The following PPP2R3C variants were observed in gnomAD, a reference collection of about 807,000 sequenced individuals.
PPP2R3C encodes the protein serine/threonine-protein phosphatase 2A regulatory subunit B'' subunit gamma.
A neutral mutation model predicts 63.7 loss-of-function variants in PPP2R3C; 47 were observed. The observed-to-expected ratio is 0.74, with a 90% CI of 0.58 to 0.94. The LOEUF (loss-of-function observed/expected upper bound fraction) is 0.94, where lower values mean the gene tolerates loss of function less well. Ranked by LOEUF, PPP2R3C falls within the 40% of genes least tolerant of loss-of-function variation. The probability of loss-of-function intolerance (pLI) is 0.00; values close to 1 mark genes in which losing one functional copy is unlikely to be tolerated. For synonymous variants in PPP2R3C, 180 were observed against 177.4 expected (o/e 1.01, Z -0.12); for missense variants, 421 against 518.4 (o/e 0.81, Z 1.82).
In PPP2R3C at chr14:35,091,226, T is replaced by A. The variant is rs747366019; in HGVS notation, c.976-19A>T. ...TATAGTCCTACAGAACAGAAAATAA[T>A]GTTCATTAGAGGCCTTAGTTGAAAT... On this transcript the variant is annotated intron_variant, in intron 10 of 12. Transcript: ENST00000261475. 15 of 1,583,272 alleles carry A rather than the reference T, an allele frequency of 9.5e-6. No homozygotes were observed. The highest frequency in any genetic ancestry group is 2.3e-4 in the Middle Eastern group (1 of 4,366).
chr14:35,102,030 T>C (rs946932549), intron 6 of PPP2R3C: 4 of 49,860 alleles, frequency 8.0e-5, no homozygotes, highest in Non-Finnish European at 1.7e-4. Context: ...TCTCTCTCTC[T>C]TTTTTTTTTT....
intron 4 of PPP2R3C, among the ~76,000 whole-genome samples, chr14:35,108,526 AC>A (rs1417406421): frequency 1.3e-5 from 2 of 151,976 alleles, no homozygotes; most frequent in Non-Finnish European, 1.5e-5. Flanking sequence ...ACATGGTGAA[AC>A]CCCGTCTCTA....
chr14:35,096,297 T>C (rs974027515), intron 9 of PPP2R3C, among the ~76,000 whole-genome samples: 4 of 152,194 alleles, frequency 2.6e-5, no homozygotes, highest in African/African-American at 7.2e-5. Flanking sequence ...AAGGCTGCAC[T>C]GAGCCGTGAT....
rs1285477612 is a variant in PPP2R3C at position 35,110,600 on chromosome 14, C to A, written c.216G>T (p.Gln72His). 2 of 1,611,512 alleles carry A rather than the reference C, an allele frequency of 1.2e-6. No homozygotes were observed. The highest frequency in any genetic ancestry group is 1.7e-5 in the Admixed American group (1 of 59,856). The change falls in exon 3 of 13, where the codon CAG becomes CAT. Residue 72 changes from glutamine to histidine, a missense_variant. Physicochemically the swap from Gln to His is conservative, Grantham distance 24. Around this residue, in one of 3 missense-constraint regions of PPP2R3C, gnomAD observed 143 missense variants for 151.2 expected, o/e 0.95. Transcript: ENST00000261475. ...RLPAEDEVLL[Q>H]KLREESRAVF... ...CAGCTCTTGATTCCTCTCTTAATTT[C>A]TGTAGTAAGACTTCATCTTCAGCAG...
intron 1 of PPP2R3C, among the ~76,000 whole-genome samples, chr14:35,120,466 CG>C (rs2046837019): frequency 6.6e-6 from 1 of 151,392 alleles, no homozygotes; most frequent in Non-Finnish European, 1.5e-5. Flanking sequence ...AGGATGGTCT[CG>C]ATCTGCTGAC....
At chr14:35,121,452 G>C (rs1424034616) in intron 1 of PPP2R3C, among the ~76,000 whole-genome samples, 2 of 152,168 alleles carry the variant, frequency 1.3e-5, no homozygotes, top group African/African-American at 4.8e-5. Flanking sequence ...CCTTAGTGCG[G>C]GTGTGGAATA....
In PPP2R3C at chr14:35,099,295, T is replaced by C. The variant is rs539390840; in HGVS notation, c.663A>G (p.Thr221=). Reference sequence around the variant, plus strand: ...AAAAGAAGAAGAACTTCCTAACTGCTGTACAAACATAAAAGGAGTAGAAAG... The same window carrying C: ...AAAAGAAGAAGAACTTCCTAACTGCCGTACAAACATAAAAGGAGTAGAAAG... The part of the protein sequence containing the change: ...EKSFYSFYVC[T]AVRKFFFFLD... Residue 221 remains threonine (T), a synonymous_variant, in exon 7 of 13, where the codon ACA becomes ACG. Transcript: ENST00000261475. The C allele has an allele frequency of 1.7e-5, 27 of 1,601,832 alleles. No homozygotes were observed. Among genetic ancestry groups the C allele is most frequent in the Non-Finnish European group, 2.2e-5 (26 of 1,177,332 alleles).
intron 11 of PPP2R3C, among the ~76,000 whole-genome samples, chr14:35,088,983 T>C (rs1396978768): frequency 6.6e-6 from 1 of 152,242 alleles, no homozygotes; most frequent in African/African-American, 2.4e-5. Context: ...CAAATACATT[T>C]ATTTTCTTAA....
intron 10 of PPP2R3C, among the ~76,000 whole-genome samples, chr14:35,091,730 TA>T (rs1229483211): frequency 6.6e-6 from 1 of 152,030 alleles, no homozygotes; most frequent in Non-Finnish European, 1.5e-5. Context: ...TTTATTTATT[TA>T]TTTTTTTGAG....
rs2046518786 is a variant in PPP2R3C at position 35,110,544 on chromosome 14, A to G, written c.272T>C (p.Leu91Ser). The G allele has an allele frequency of 1.2e-6, 2 of 1,608,638 alleles. No individual in the cohort carries two copies. The highest frequency in any genetic ancestry group is 3.3e-5 in the Admixed American group (2 of 59,736). Residue 91 changes from leucine (L) to serine (S), a missense_variant, in exon 3 of 13, where the codon TTA (leucine) becomes TCA (serine). Leu to Ser is a moderately radical substitution (Grantham distance 145, BLOSUM62 -2). Coordinates refer to ENST00000261475, the MANE Select transcript of PPP2R3C (RefSeq NM_017917.4). ...VFLQRKSREL[L>S]DNEELQNLWF... ...TCTTACCTGTAATTCTTCATTATCT[A>G]ACAGTTCTCTGCTTTTTCTTTGTAG...
chr14:35,086,051 C>T lies in PPP2R3C; in HGVS notation c.1174-273G>A, dbSNP rs74334838. 410 of 352,312 alleles carry T rather than the reference C, an allele frequency of 1.2e-3. 3 individuals carry two copies. Among genetic ancestry groups the T allele is most frequent in the African/African-American group, 8.1e-3 (387 of 47,512 alleles). 21.8% of individuals were successfully genotyped at this position (352,312 alleles called of 1,614,324 possible). ...CGTTTTATAGATGAAGAAACCAAGG[C>T]TCAGTGCCTAATCTAGCTACATAGG... On this transcript the variant is annotated intron_variant, in intron 12 of 12. Coordinates refer to ENST00000261475, the MANE Select transcript of PPP2R3C (RefSeq NM_017917.4).
chr14:35,111,121 G>A (rs1182173215), intron 2 of PPP2R3C, among the ~76,000 whole-genome samples: 3 of 151,672 alleles, frequency 2.0e-5, no homozygotes, highest in Non-Finnish European at 4.4e-5. Context: ...TGTAGTCCCA[G>A]CTACTCAGGA....
rs1360577563 is a variant in PPP2R3C at position 35,085,588 on chromosome 14, G to A, written c.*2C>T. 6.2e-7 allele frequency: 1 copy of A among 1,600,520 alleles called. No homozygotes were observed. The highest frequency in any genetic ancestry group is 1.3e-5 in the African/African-American group (1 of 74,226). On this transcript the variant is annotated 3_prime_UTR_variant, in exon 13 of 13. Transcript: ENST00000261475. ...ATATAAGACAGTCTAGTCTTTCAGA[G>A]ATCATGTATCATCAAGGTCTGCAGA...
intron 4 of PPP2R3C, among the ~76,000 whole-genome samples, 197 bp from the exon 5 acceptor site, chr14:35,108,433 A>G (rs767235086): frequency 1.3e-5 from 2 of 151,698 alleles, no homozygotes; most frequent in African/African-American, 4.8e-5. Flanking sequence ...GGCCAGGCGC[A>G]GTGGCTCTTG....
At chr14:35,104,570 C>G (rs924920266) in intron 6 of PPP2R3C, among the ~76,000 whole-genome samples, 2 of 152,078 alleles carry the variant, frequency 1.3e-5, no homozygotes, top group African/African-American at 4.8e-5. Context: ...TTTAGATACC[C>G]ATACTCAGAA....
chr14:35,098,211 G>C (rs2046063397), intron 7 of PPP2R3C, among the ~76,000 whole-genome samples: 1 of 143,820 alleles, frequency 7.0e-6, no homozygotes, highest in Non-Finnish European at 1.5e-5. Context: ...CACAAGGTCT[G>C]GCTCTGTTGC....
intron 12 of PPP2R3C, chr14:35,086,061 A>C (rs1049840227): frequency 3.1e-6 from 1 of 324,580 alleles, no homozygotes; most frequent in African/African-American, 2.1e-5. Context: ...CTCAGTGCCT[A>C]ATCTAGCTAC....
chr14:35,092,500 CTT>C (rs1295159472), intron 10 of PPP2R3C, among the ~76,000 whole-genome samples: 4 of 151,314 alleles, frequency 2.6e-5, no homozygotes, highest in Admixed American at 1.3e-4. Context: ...GAGTTTCGCT[CTT>C]GTTGCCCAGG....
chr14:35,096,912 T>C, intron 7 of PPP2R3C, 148 bp from the exon 8 acceptor site: 1 of 827,662 alleles, frequency 1.2e-6, no homozygotes, highest in Non-Finnish European at 1.8e-6. Context: ...TATTACATAT[T>C]GCTACAAAAA....
Sources: gnomAD v4.1 joint callset for allele counts (sites outside exome capture counted in the v4.1 genomes callset) on GRCh38, gnomAD v4.1.1 for gene constraint, gnomAD v4.1.1 regional missense constraint, MANE v1.5 for transcripts, NCBI Gene and HGNC (gene_info 2026-07-23, HGNC 2026-07-21) for gene names.